FNIP2: variants seen among roughly 807,000 people sequenced by gnomAD.
FNIP2 encodes folliculin-interacting protein 2.
In FNIP2, 32 loss-of-function variants were observed where a neutral mutation model predicts 108.7. The observed-to-expected ratio is 0.29, with a 90% CI of 0.22 to 0.40. The LOEUF is 0.40. Ranked by LOEUF, FNIP2 falls within the 10% of genes least tolerant of loss-of-function variation. The pLI is 1.00. For synonymous variants in FNIP2, 480 were observed against 496.7 expected (o/e 0.97, Z 0.45); for missense variants, 1,202 against 1,381.6 (o/e 0.87, Z 2.06).
At chr4:158,840,768 C>T (rs1346812475) in intron 7 of FNIP2, among the ~76,000 whole-genome samples, 1 of 152,176 alleles carries the variant, frequency 6.6e-6, no homozygotes, top group African/African-American at 2.4e-5. Flanking sequence ...AGACCAGTGT[C>T]ATCAAGCCTT....
At chr4:158,804,746 TAAAAAG>T (rs1483308853) in intron 1 of FNIP2, among the ~76,000 whole-genome samples, 2 of 152,164 alleles carry the variant, frequency 1.3e-5, no homozygotes, top group African/African-American at 4.8e-5. Context: ...GGTTCTCTGT[TAAAAAG>T]AGAAAGTGAC....
At chr4:158,902,070 T>C (rs1729345163) in intron 16 of FNIP2, among the ~76,000 whole-genome samples, 1 of 152,102 alleles carries the variant, frequency 6.6e-6, no homozygotes, top group Non-Finnish European at 1.5e-5. Context: ...GAGAGCATTC[T>C]GGTTTTTTGA....
At chr4:158,829,945 T>G (rs1337496982) in intron 3 of FNIP2, among the ~76,000 whole-genome samples, 1 of 152,190 alleles carries the variant, frequency 6.6e-6, no homozygotes, top group Non-Finnish European at 1.5e-5. Context: ...AGAACTTTGT[T>G]TTTTCATAGT....
chr4:158,804,057 G>A (rs1776852372), intron 1 of FNIP2, among the ~76,000 whole-genome samples: 1 of 152,130 alleles, frequency 6.6e-6, no homozygotes, highest in Non-Finnish European at 1.5e-5. Flanking sequence ...TCCTGCCTCA[G>A]CCTCCGAGTA....
At chr4:158,835,220 G>C (rs1324762015) in intron 6 of FNIP2, 185 bp from the exon 7 acceptor site, 1 of 327,128 alleles carries the variant, frequency 3.1e-6, no homozygotes, top group Non-Finnish European at 5.8e-6. Context: ...TGGTTACTTG[G>C]TTCTCTTTTC....
chr4:158,898,339 A>G (rs908535577), intron 16 of FNIP2, among the ~76,000 whole-genome samples: 1 of 152,280 alleles, frequency 6.6e-6, no homozygotes. Context: ...TTGGTTCCAT[A>G]TGAAATTTAA....
chr4:158,775,738 C>A (rs752162063), intron 1 of FNIP2, among the ~76,000 whole-genome samples: 1 of 151,992 alleles, frequency 6.6e-6, no homozygotes, highest in African/African-American at 2.4e-5. Flanking sequence ...CAGAATAATA[C>A]AATATATTAA....
intron 1 of FNIP2, among the ~76,000 whole-genome samples, chr4:158,776,461 G>A (rs1341383150): frequency 1.3e-5 from 2 of 152,168 alleles, no homozygotes; most frequent in Non-Finnish European, 2.9e-5. Context: ...TGATATGCCT[G>A]GAAAATTGGA....
rs765678353 is a variant in FNIP2 at position 158,806,253 on chromosome 4, C to T, written c.108-19663C>T. The T allele has an allele frequency of 1.5e-5, 19 of 1,289,138 alleles. 1 individual carries two copies. Among genetic ancestry groups the T allele is most frequent in the Middle Eastern group, 2.1e-4 (1 of 4,716 alleles). 79.9% of individuals were successfully genotyped at this position (1,289,138 alleles called of 1,614,324 possible). Reference sequence around the variant, plus strand: ...AACATTAAACCGTTCAGGAGATGTGCGGCGGCACAGCGAACACCACAAACC... The same window carrying T: ...AACATTAAACCGTTCAGGAGATGTGTGGCGGCACAGCGAACACCACAAACC... On this transcript the variant is annotated intron_variant, in intron 1 of 16. Coordinates refer to ENST00000264433, the MANE Select transcript of FNIP2 (RefSeq NM_020840.3).
At chr4:158,860,040 A>T (rs546233793) in intron 10 of FNIP2, among the ~76,000 whole-genome samples, 12 of 152,358 alleles carry the variant, frequency 7.9e-5, no homozygotes, top group African/African-American at 2.9e-4. Context: ...CAAAGCACAG[A>T]TGGAGAGGTT....
intron 1 of FNIP2, among the ~76,000 whole-genome samples, chr4:158,770,301 A>G (rs1316758365): frequency 1.3e-5 from 2 of 152,216 alleles, no homozygotes; most frequent in African/African-American, 2.4e-5. Context: ...AGTTTATTTA[A>G]CAATTTTTCA....
intron 16 of FNIP2, 43 bp from the exon 17 acceptor site, chr4:158,904,423 A>G: frequency 2.0e-6 from 3 of 1,467,574 alleles, no homozygotes; most frequent in African/African-American, 2.8e-5. Flanking sequence ...TCATAAAACC[A>G]TGCTCTTTTA....
intron 1 of FNIP2, among the ~76,000 whole-genome samples, chr4:158,823,178 ATC>A (rs2126552861): frequency 6.6e-6 from 1 of 152,344 alleles, no homozygotes; most frequent in East Asian, 1.9e-4. Context: ...AGGCAATTAA[ATC>A]TGATTTTTTT....
intron 14 of FNIP2, chr4:158,890,176 A>G: frequency 2.0e-6 from 2 of 983,248 alleles, no homozygotes; most frequent in South Asian, 4.7e-5. Flanking sequence ...TTGAACAGAC[A>G]AATAAATGTT....
chr4:158,818,701 C>G (rs1342788879), intron 1 of FNIP2, among the ~76,000 whole-genome samples: 1 of 152,230 alleles, frequency 6.6e-6, no homozygotes, highest in African/African-American at 2.4e-5. Context: ...CCCCAAGGCT[C>G]TCAGTTAAGG....
chr4:158,891,796 C>A, intron 15 of FNIP2, 150 bp downstream of exon 15: 5 of 762,524 alleles, frequency 6.6e-6, no homozygotes, highest in Non-Finnish European at 8.3e-6. Context: ...ATAAAACTCG[C>A]AACAGGATAG....
intron 6 of FNIP2, chr4:158,833,842 G>C (rs773814781): frequency 8.7e-6 from 13 of 1,497,974 alleles, no homozygotes; most frequent in Non-Finnish European, 1.2e-5. Flanking sequence ...GCAGGGGGTA[G>C]CTGAAGGAGG....
intron 16 of FNIP2, among the ~76,000 whole-genome samples, chr4:158,896,894 G>C (rs1297524009): frequency 6.7e-6 from 1 of 149,172 alleles, no homozygotes; most frequent in African/African-American, 2.5e-5. Context: ...TGTGCAAAAC[G>C]TGCAGGTCTG....
intron 12 of FNIP2, among the ~76,000 whole-genome samples, chr4:158,864,649 A>T (rs1305020042): frequency 6.6e-6 from 1 of 151,778 alleles, no homozygotes; most frequent in Non-Finnish European, 1.5e-5. Flanking sequence ...AGGGCTTCTA[A>T]ATTCTCTCAG....
Sources: allele counts gnomAD v4.1 joint callset (sites outside exome capture counted in the v4.1 genomes callset), GRCh38; gene constraint gnomAD v4.1.1; transcripts MANE v1.5; gene names NCBI Gene and HGNC (gene_info 2026-07-23, HGNC 2026-07-21).